KLHL29: variants seen among roughly 807,000 people sequenced by gnomAD.
KLHL29 encodes kelch-like protein 29.
A neutral mutation model predicts 80.4 loss-of-function variants in KLHL29; 21 were observed. The observed-to-expected ratio is 0.26, with a 90% CI of 0.19 to 0.38. The LOEUF is 0.38. KLHL29 is among the 10% of genes least tolerant of loss of function. The pLI, the probability that KLHL29 is intolerant of heterozygous loss-of-function variation, is 1.00. For missense variants in KLHL29, 867 were observed against 1,223.9 expected (o/e 0.71, Z 4.35); for synonymous variants, 511 against 526.8 (o/e 0.97, Z 0.41).
chr2:23,505,023 C>G (rs1278572399), intron 2 of KLHL29, among the ~76,000 whole-genome samples: 1 of 152,234 alleles, frequency 6.6e-6, no homozygotes, highest in Non-Finnish European at 1.5e-5. Flanking sequence ...CCTTTTGCCT[C>G]TCACCTTCCC....
intron 1 of KLHL29, among the ~76,000 whole-genome samples, chr2:23,403,121 T>C (rs1184707178): frequency 1.3e-5 from 2 of 152,028 alleles, no homozygotes; most frequent in East Asian, 3.9e-4. Context: ...ACCATAACAT[T>C]TTCTGGTTTT....
At chr2:23,593,865 G>A (rs772415899) in intron 3 of KLHL29, among the ~76,000 whole-genome samples, 4 of 152,336 alleles carry the variant, frequency 2.6e-5, no homozygotes, top group African/African-American at 4.8e-5. Context: ...GTGGCCAGGC[G>A]TGTCGCCTAC....
intron 1 of KLHL29, among the ~76,000 whole-genome samples, chr2:23,438,475 G>A (rs1221821114): frequency 3.6e-5 from 5 of 138,878 alleles, no homozygotes; most frequent in African/African-American, 1.4e-4. Flanking sequence ...ATTATTTTGA[G>A]ATACGTCCCA....
chr2:23,429,717 G>A (rs977237498), intron 1 of KLHL29, among the ~76,000 whole-genome samples: 3 of 151,502 alleles, frequency 2.0e-5, no homozygotes, highest in African/African-American at 7.3e-5. Flanking sequence ...TCGTGCCACT[G>A]TACTCCAGCC....
At chr2:23,437,302 G>T (rs1174503837) in intron 1 of KLHL29, among the ~76,000 whole-genome samples, 4 of 152,230 alleles carry the variant, frequency 2.6e-5, no homozygotes, top group African/African-American at 9.7e-5. Flanking sequence ...TGATCTATGA[G>T]ATTGCAACTT....
chr2:23,657,884 G>C (rs894458687), intron 5 of KLHL29, among the ~76,000 whole-genome samples: 1 of 152,324 alleles, frequency 6.6e-6, no homozygotes, highest in East Asian at 1.9e-4. Flanking sequence ...GGCTGAAGGT[G>C]GATGCTTTGG....
chr2:23,525,175 A>C (rs1381046445), intron 2 of KLHL29, among the ~76,000 whole-genome samples: 1 of 152,136 alleles, frequency 6.6e-6, no homozygotes, highest in African/African-American at 2.4e-5. Flanking sequence ...GGCACGTAGG[A>C]GGGAGGAAAA....
chr2:23,645,524 G>T (rs1272871882), intron 5 of KLHL29, among the ~76,000 whole-genome samples: 3 of 152,102 alleles, frequency 2.0e-5, no homozygotes, highest in Non-Finnish European at 2.9e-5. Context: ...ATTATAATAA[G>T]ATCCACCATG....
intron 2 of KLHL29, among the ~76,000 whole-genome samples, chr2:23,528,994 C>T (rs927303255): frequency 6.6e-6 from 1 of 152,218 alleles, no homozygotes; most frequent in East Asian, 1.9e-4. Context: ...TCCTCATGGC[C>T]CCCAGCCCAC....
At position 23,686,081 on chromosome 2, in the gene KLHL29, G is replaced by C. The variant is rs561312841; in HGVS notation, c.1079+1544G>C. Among the ~76,000 whole-genome samples the C allele has an allele frequency of 5.3e-5, 8 of 152,302 alleles. No individual in the cohort carries two copies. In the East Asian group the frequency reaches 5.8e-4, roughly 11 times the overall value. ...TAGGAGGGAACCCAAAGTAGTGAAGGCTTCTTGGGCTGAGAAGAGGGAGGA... is the reference window on the plus strand; with the variant it reads ...TAGGAGGGAACCCAAAGTAGTGAAGCCTTCTTGGGCTGAGAAGAGGGAGGA... On this transcript the variant is annotated intron_variant, in intron 6 of 13. Transcript: ENST00000486442.
At chr2:23,387,149 G>C (rs1393313690) in intron 1 of KLHL29, among the ~76,000 whole-genome samples, 1 of 152,204 alleles carries the variant, frequency 6.6e-6, no homozygotes, top group Non-Finnish European at 1.5e-5. Context: ...TATTTATGTA[G>C]CATTAGGCGA....
rs1328913710 is a variant in KLHL29 at position 23,639,139 on chromosome 2, G to A, written c.286G>A (p.Ala96Thr). The change falls in exon 4 of 14, where the codon GCT (alanine) becomes ACT (threonine). Residue 96 changes from alanine to threonine, a missense_variant and splice_region_variant. Transcript: ENST00000486442. ...ASSASAVTTKAPGISKGDSQS... is the reference protein window; with the variant it reads ...ASSASAVTTKTPGISKGDSQS... The stretch of plus-strand genomic sequence containing the variant: ...TCACCTCCTCATCTGCTTCCCACAG[G>A]CTCCCGGCATCTCCAAAGGGGACAG... The A allele has an allele frequency of 3.3e-6, 5 of 1,528,822 alleles. No individual in the cohort carries two copies. Among genetic ancestry groups the A allele is most frequent in the Non-Finnish European group, 4.4e-6 (5 of 1,139,006 alleles). 94.7% of individuals were successfully genotyped at this position (1,528,822 alleles called of 1,614,324 possible).
chr2:23,524,709 G>A (rs976628318), intron 2 of KLHL29, among the ~76,000 whole-genome samples: 1 of 152,220 alleles, frequency 6.6e-6, no homozygotes, highest in Non-Finnish European at 1.5e-5. Flanking sequence ...TGCTGTGCAT[G>A]TGTCCCTCCC....
chr2:23,562,495 T>G lies in KLHL29; in HGVS notation c.285+14T>G. 1 of 1,534,878 alleles carries G rather than the reference T, an allele frequency of 6.5e-7. No homozygotes were observed. The highest frequency in any genetic ancestry group is 8.7e-7 in the Non-Finnish European group (1 of 1,146,566). On this transcript the variant is annotated intron_variant, in intron 3 of 13. Transcript: ENST00000486442. The surrounding 1 kb of genome is among the most constrained non-coding windows in gnomAD (Gnocchi z 4.5). ...GTCACCACCAAGGTAAGATGTGGTGTCATCTCTGAGCAGGAGCCGGACAGA... is the reference window on the plus strand; with the variant it reads ...GTCACCACCAAGGTAAGATGTGGTGGCATCTCTGAGCAGGAGCCGGACAGA...
intron 2 of KLHL29, among the ~76,000 whole-genome samples, chr2:23,478,056 C>G (rs1664684629): frequency 6.6e-6 from 1 of 152,140 alleles, no homozygotes; most frequent in Non-Finnish European, 1.5e-5. Context: ...CAGATGCACC[C>G]TATGTGGGCC....
intron 2 of KLHL29, among the ~76,000 whole-genome samples, chr2:23,550,057 C>G (rs963537920): frequency 6.6e-6 from 1 of 152,158 alleles, no homozygotes; most frequent in Non-Finnish European, 1.5e-5. Flanking sequence ...CCCCTGCCCC[C>G]CAGGGTGTTT....
intron 1 of KLHL29, among the ~76,000 whole-genome samples, chr2:23,423,413 G>C (rs1018197416): frequency 1.8e-4 from 28 of 152,316 alleles, no homozygotes; most frequent in African/African-American, 6.0e-4. Context: ...GCCCTGCGCG[G>C]GCTGTCCCCT....
At chr2:23,422,814 T>C (rs1662859594) in intron 1 of KLHL29, among the ~76,000 whole-genome samples, 1 of 152,212 alleles carries the variant, frequency 6.6e-6, no homozygotes, top group Non-Finnish European at 1.5e-5. Flanking sequence ...GCAGTCTGCA[T>C]GTGCAGGTGG....
chr2:23,526,476 TG>T (rs1666322382), intron 2 of KLHL29, among the ~76,000 whole-genome samples: 1 of 152,126 alleles, frequency 6.6e-6, no homozygotes, highest in South Asian at 2.1e-4. Flanking sequence ...GGAGAGAGCC[TG>T]AGACGCCCTG....
Sources: allele counts gnomAD v4.1 joint callset (sites outside exome capture counted in the v4.1 genomes callset), GRCh38; gene constraint gnomAD v4.1.1; non-coding constraint Gnocchi (gnomAD v3.1); transcripts MANE v1.5; gene names NCBI Gene and HGNC (gene_info 2026-07-23, HGNC 2026-07-21).